CLNK: variants seen among roughly 807,000 people sequenced by gnomAD.
CLNK encodes the protein cytokine-dependent hematopoietic cell linker.
CLNK carries 74 observed loss-of-function variants against 68.6 expected under a neutral mutation model. The ratio of observed to expected loss-of-function variants is 1.08; its 90% CI spans 0.89 to 1.31. The LOEUF (loss-of-function observed/expected upper bound fraction) is 1.31. Among genes scored for constraint, CLNK ranks in the 50% most tolerant of loss-of-function variants. The probability of loss-of-function intolerance (pLI) is 0.00; values close to 1 mark genes in which losing one functional copy is unlikely to be tolerated. For synonymous variants in CLNK, 198 were observed against 172.2 expected, an observed-to-expected ratio of 1.15 and a Z score of -1.17; for missense variants, 553 against 515.3, an observed-to-expected ratio of 1.07 and a Z score of -0.71.
At chr4:10,696,161 C>T in the CLNK span, among the ~76,000 whole-genome samples, 1 of 152,080 alleles carries the variant, frequency 6.6e-6, no homozygotes, top group Non-Finnish European at 1.5e-5. Context: ...CAGCCCAGAG[C>T]TTCTTATCTA....
chr4:10,628,543 A>G (rs1722764756), intron 2 of CLNK, among the ~76,000 whole-genome samples: 1 of 152,098 alleles, frequency 6.6e-6, no homozygotes, highest in Admixed American at 6.5e-5. Context: ...GCACATTGAG[A>G]ATAGAGCAGA....
intron 12 of CLNK, chr4:10,531,692 C>A (rs1444319617): frequency 1.1e-5 from 5 of 456,000 alleles, no homozygotes; most frequent in Admixed American, 9.4e-5. Flanking sequence ...CCGCCCACCT[C>A]GGCCTCCCAA....
the CLNK span, among the ~76,000 whole-genome samples, chr4:10,699,018 C>T: frequency 6.6e-6 from 1 of 152,078 alleles, no homozygotes; most frequent in Admixed American, 6.5e-5. Flanking sequence ...AGGGTGCCAA[C>T]TTTTGAACTA....
At chr4:10,704,010 G>A in the CLNK span, among the ~76,000 whole-genome samples, 2 of 152,132 alleles carry the variant, frequency 1.3e-5, no homozygotes, top group Non-Finnish European at 2.9e-5. Context: ...TGAAGAAATA[G>A]TACAATATTA....
intron 2 of CLNK, among the ~76,000 whole-genome samples, chr4:10,655,334 C>CAGACAGAGAG (rs771027553): frequency 3.0e-5 from 4 of 135,408 alleles, no homozygotes; most frequent in South Asian, 2.5e-4. Context: ...CCCCCAAAGA[C>CAGACAGAGAG]AGAGAGAGAG....
chr4:10,532,332 C>A, intron 11 of CLNK, 49 bp from the exon 12 acceptor site: 2 of 1,486,650 alleles, frequency 1.3e-6, no homozygotes, highest in Non-Finnish European at 1.9e-6. Context: ...TTCATAATGA[C>A]CAAGATAAAA....
upstream of CLNK, among the ~76,000 whole-genome samples, chr4:10,689,150 G>A (rs1332958583): frequency 6.8e-6 from 1 of 147,032 alleles, no homozygotes; most frequent in South Asian, 2.2e-4. Flanking sequence ...TTTTTTTTTC[G>A]GGGGCGACGA....
rs755418523 is a variant in CLNK, at chr4:10,542,258, G to A, written c.468C>T (p.Asn156=). The A allele has an allele frequency of 7.2e-6, 11 of 1,527,166 alleles. No individual in the cohort carries two copies. Among genetic ancestry groups the A allele is most frequent in the African/African-American group, 4.1e-5 (3 of 73,218 alleles). The allele number at this position is 1,527,166 out of a possible 1,614,324, so 94.6% of individuals were successfully genotyped here. The change falls in exon 9 of 19, where the codon AAC becomes AAT. Residue 156 remains asparagine (N), a synonymous_variant. Coordinates refer to ENST00000226951, the MANE Select transcript of CLNK (RefSeq NM_052964.4). ...GCATTTTATTGATTTCTCTTACCTTGTTCTTTCTTACGGATGCATCTCCTA... is the reference window on the plus strand; with the variant it reads ...GCATTTTATTGATTTCTCTTACCTTATTCTTTCTTACGGATGCATCTCCTA... ...NIKGDASVRK[N]KIPLPPPRPL...
chr4:10,713,503 T>A, the CLNK span, among the ~76,000 whole-genome samples: 1 of 152,080 alleles, frequency 6.6e-6, no homozygotes, highest in Non-Finnish European at 1.5e-5. Flanking sequence ...TCATGGCCCA[T>A]ATCACATAGC....
chr4:10,490,698 C>T, intron 18 of CLNK, 85 bp from the exon 19 acceptor site: 1 of 1,111,150 alleles, frequency 9.0e-7, no homozygotes, highest in Non-Finnish European at 1.3e-6. Context: ...CTTCATTTTG[C>T]ATGGGGAAGA....
the CLNK span, among the ~76,000 whole-genome samples, chr4:10,695,854 A>G: frequency 6.6e-6 from 1 of 151,400 alleles, no homozygotes; most frequent in Non-Finnish European, 1.5e-5. Flanking sequence ...CTCGATCACA[A>G]TTAGAGCTTT....
At chr4:10,521,630 A>G (rs1718071537) in intron 14 of CLNK, among the ~76,000 whole-genome samples, 1 of 152,238 alleles carries the variant, frequency 6.6e-6, no homozygotes, top group South Asian at 2.1e-4. Context: ...TATCTGGTTT[A>G]TGTTGTCACC....
At chr4:10,724,992 C>A in the CLNK span, among the ~76,000 whole-genome samples, 1 of 152,096 alleles carries the variant, frequency 6.6e-6, no homozygotes, top group African/African-American at 2.4e-5. Flanking sequence ...AGGGCGGAGT[C>A]ACGGACACCT....
At chr4:10,507,095 G>A (rs1301042172) in intron 17 of CLNK, among the ~76,000 whole-genome samples, 1 of 150,362 alleles carries the variant, frequency 6.7e-6, no homozygotes, top group Non-Finnish European at 1.5e-5. Flanking sequence ...ATGAGCCACC[G>A]CGTCCGGCTG....
intron 2 of CLNK, among the ~76,000 whole-genome samples, chr4:10,655,401 C>T (rs1229882603): frequency 7.5e-6 from 1 of 133,070 alleles, no homozygotes; most frequent in African/African-American, 2.7e-5. Flanking sequence ...TGTGTGTATC[C>T]TATATTTACA....
At chr4:10,503,917 G>A (rs988594278) in intron 17 of CLNK, among the ~76,000 whole-genome samples, 1 of 149,694 alleles carries the variant, frequency 6.7e-6, no homozygotes, top group Non-Finnish European at 1.5e-5. Flanking sequence ...TGAGTAGCTG[G>A]GATAACAGGC....
At chr4:10,679,844 G>C (rs547618717) in intron 1 of CLNK, among the ~76,000 whole-genome samples, 2 of 151,924 alleles carry the variant, frequency 1.3e-5, no homozygotes, top group African/African-American at 2.4e-5. Context: ...TTAGAATGGC[G>C]ATCATTAAAA....
the CLNK span, among the ~76,000 whole-genome samples, chr4:10,715,188 A>G: frequency 6.6e-6 from 1 of 152,220 alleles, no homozygotes; most frequent in Admixed American, 6.5e-5. Flanking sequence ...CAGCATTGAA[A>G]CACTGGGGAC....
intron 5 of CLNK, among the ~76,000 whole-genome samples, chr4:10,570,083 C>T (rs1720282683): frequency 6.6e-6 from 1 of 152,210 alleles, no homozygotes; most frequent in Non-Finnish European, 1.5e-5. Flanking sequence ...AGTGAGCTCT[C>T]AGCTGGAGCT....
Sources: allele counts gnomAD v4.1 joint callset (sites outside exome capture counted in the v4.1 genomes callset), GRCh38; gene constraint gnomAD v4.1.1; transcripts MANE v1.5; gene names NCBI Gene and HGNC (gene_info 2026-07-23, HGNC 2026-07-21).